ACER2: variants seen among roughly 807,000 people sequenced by gnomAD.
The protein encoded by ACER2 is alkaline ceramidase 2.
ACER2 carries 26 observed loss-of-function variants against 34.7 expected under a neutral mutation model. That is an observed-to-expected ratio of 0.75 (90% CI 0.55 to 1.04). The LOEUF is 1.04. Among genes scored for constraint, ACER2 ranks in the 50% least tolerant of loss-of-function variants. The pLI, the probability that ACER2 is intolerant of heterozygous loss-of-function variation, is 0.00. For missense variants in ACER2, 352 were observed against 340.8 expected, an observed-to-expected ratio of 1.03 and a Z score of -0.26; for synonymous variants, 138 against 132.1, an observed-to-expected ratio of 1.04 and a Z score of -0.31.
At chr9:19,436,672 G>T (rs1352142775) in intron 4 of ACER2, among the ~76,000 whole-genome samples, 1 of 151,994 alleles carries the variant, frequency 6.6e-6, no homozygotes, top group African/African-American at 2.4e-5. Context: ...TACAGATCTA[G>T]GTCCTCGTTT....
chr9:19,413,646 A>G (rs754883195), intron 1 of ACER2, among the ~76,000 whole-genome samples: 49 of 152,062 alleles, frequency 3.2e-4, no homozygotes, highest in Admixed American at 7.9e-4. Flanking sequence ...CCAGTCACAT[A>G]GACCTAGCCA....
intron 1 of ACER2, among the ~76,000 whole-genome samples, chr9:19,422,418 T>G (rs1231164845): frequency 1.3e-5 from 2 of 152,200 alleles, no homozygotes; most frequent in East Asian, 3.8e-4. Flanking sequence ...TTTTAAAAAG[T>G]TGAATGCCCA....
At chr9:19,409,286 C>T (rs1046227167) in intron 1 of ACER2, 94 bp downstream of exon 1, 2 of 1,253,336 alleles carry the variant, frequency 1.6e-6, no homozygotes, top group Middle Eastern at 2.1e-4. Flanking sequence ...GGTCTCTGCG[C>T]GCATCTGGGG....
chr9:19,417,123 A>G (rs902180057), intron 1 of ACER2, among the ~76,000 whole-genome samples: 3 of 152,232 alleles, frequency 2.0e-5, no homozygotes, highest in African/African-American at 7.2e-5. Context: ...CCCATTCACA[A>G]TTGCTACAAA....
chr9:19,419,185 C>T (rs1026655965), intron 1 of ACER2, among the ~76,000 whole-genome samples: 2 of 152,108 alleles, frequency 1.3e-5, no homozygotes, highest in Non-Finnish European at 2.9e-5. Flanking sequence ...GAGCAAAACT[C>T]CATCTCAAAA....
chr9:19,431,602 T>C (rs1230395257), intron 3 of ACER2, among the ~76,000 whole-genome samples: 1 of 152,206 alleles, frequency 6.6e-6, no homozygotes, highest in Non-Finnish European at 1.5e-5. Flanking sequence ...GCCCTCACCC[T>C]GAGGCTGGAG....
chr9:19,440,479 G>C (rs1033005152), intron 4 of ACER2, among the ~76,000 whole-genome samples: 1 of 152,126 alleles, frequency 6.6e-6, no homozygotes, highest in South Asian at 2.1e-4. Flanking sequence ...TTCTAAAAGA[G>C]GTCCCAGAGA....
intron 1 of ACER2, among the ~76,000 whole-genome samples, chr9:19,411,772 C>T (rs548911283): frequency 1.5e-4 from 23 of 152,074 alleles, no homozygotes; most frequent in Admixed American, 3.9e-4. Flanking sequence ...AGGAGAAGAC[C>T]GGGAGAGGGA....
chr9:19,439,206 G>C (rs1279028555), intron 4 of ACER2, among the ~76,000 whole-genome samples: 1 of 152,222 alleles, frequency 6.6e-6, no homozygotes, highest in African/African-American at 2.4e-5. Context: ...ACATTAACAA[G>C]TGGTAGTTTC....
At chr9:19,432,523 C>T (rs1376811792) in intron 3 of ACER2, among the ~76,000 whole-genome samples, 3 of 151,056 alleles carry the variant, frequency 2.0e-5, no homozygotes, top group Non-Finnish European at 4.4e-5. Flanking sequence ...TAGTTGAGAC[C>T]TTAGGACCTG....
rs1169774690 is a variant in ACER2, at chr9:19,435,106, T to G, written c.503+22T>G. The G allele has an allele frequency of 3.7e-6, 6 of 1,613,278 alleles. No homozygotes were observed. In the South Asian group the frequency reaches 6.6e-5, roughly 18 times the overall value. On this transcript the variant is annotated intron_variant, in intron 4 of 5. Transcript: ENST00000340967. The stretch of plus-strand genomic sequence containing the variant: ...AGAGGTAGGTGCCATCATTCCTGCC[T>G]ACCCTTAGCTGTCCCCGTGCTGGGA...
intron 4 of ACER2, among the ~76,000 whole-genome samples, chr9:19,441,166 C>T (rs751992859): frequency 6.6e-6 from 1 of 151,694 alleles, no homozygotes; most frequent in Non-Finnish European, 1.5e-5. Flanking sequence ...TTTTCTGCCT[C>T]AGCCTCCCAA....
At position 19,447,696 on chromosome 9, in the gene ACER2, A is replaced by G. The variant is rs144509579; in HGVS notation, c.641+1278A>G. 8.9e-3 allele frequency among the ~76,000 whole-genome samples: 1,351 copies of G among 152,302 alleles called. 31 individuals are homozygous for G. The highest frequency in any genetic ancestry group is 0.05 in the East Asian group (260 of 5,186). ...CCCCTGTCACACATGATTTAAGTCA[A>G]ATTCGAAATTTAAACTATGTAATAA... is the stretch of plus-strand genomic sequence containing the variant. On this transcript the variant is annotated intron_variant, in intron 5 of 5. Transcript: ENST00000340967.
chr9:19,436,061 AAG>A lies in ACER2; in HGVS notation c.503+979_503+980del, dbSNP rs199829767. 1.0e-2 allele frequency among the ~76,000 whole-genome samples: 1,514 copies of A among 152,102 alleles called. 28 individuals are homozygous for A. The highest frequency in any genetic ancestry group is 0.034 in the African/African-American group (1,421 of 41,454). ...GAGACTCTATCTCAAAAAACAGAAAAAGAAGAAAGAAGAAAGCCCTTCTTTTT... is the reference window on the plus strand; with the variant it reads ...GAGACTCTATCTCAAAAAACAGAAAAAAGAAAGAAGAAAGCCCTTCTTTTT... On this transcript the variant is annotated intron_variant, in intron 4 of 5. Transcript: ENST00000340967.
chr9:19,418,526 G>T (rs1019342914), intron 1 of ACER2, among the ~76,000 whole-genome samples: 19 of 151,814 alleles, frequency 1.3e-4, no homozygotes, highest in African/African-American at 4.4e-4. Context: ...CACAAAAAAG[G>T]ATGAGTTCAT....
intron 1 of ACER2, among the ~76,000 whole-genome samples, chr9:19,418,525 G>A (rs1481897575): frequency 1.3e-5 from 2 of 152,138 alleles, no homozygotes; most frequent in Non-Finnish European, 2.9e-5. Context: ...CCACAAAAAA[G>A]GATGAGTTCA....
intron 4 of ACER2, among the ~76,000 whole-genome samples, chr9:19,439,364 G>A (rs1441037883): frequency 9.2e-6 from 1 of 108,480 alleles, no homozygotes; most frequent in African/African-American, 3.2e-5. Context: ...TTTTGGAGAC[G>A]TAGTCTCGCT....
intron 3 of ACER2, among the ~76,000 whole-genome samples, chr9:19,427,822 A>ACTAATTAGCC (rs1830617603): frequency 1.3e-5 from 2 of 151,666 alleles, no homozygotes; most frequent in Non-Finnish European, 2.9e-5. Flanking sequence ...GCCCGCCACC[A>ACTAATTAGCC]CGCCTGGCTA....
intron 1 of ACER2, among the ~76,000 whole-genome samples, chr9:19,418,460 G>A (rs199811397): frequency 6.6e-6 from 1 of 152,178 alleles, no homozygotes; most frequent in African/African-American, 2.4e-5. Flanking sequence ...ATGCCCATCA[G>A]TGATAGACTG....
Sources: gnomAD v4.1 joint callset for allele counts (sites outside exome capture counted in the v4.1 genomes callset) on GRCh38, gnomAD v4.1.1 for gene constraint, MANE v1.5 for transcripts, NCBI Gene and HGNC (gene_info 2026-07-23, HGNC 2026-07-21) for gene names.